PRR5L: variants seen among roughly 807,000 people sequenced by gnomAD.
PRR5L encodes proline-rich protein 5-like.
PRR5L carries 21 observed loss-of-function variants against 36.4 expected under a neutral mutation model. That is an observed-to-expected ratio of 0.58 (90% CI 0.41 to 0.83). The LOEUF (loss-of-function observed/expected upper bound fraction) is 0.83, where lower values mean the gene tolerates loss of function less well. Among genes scored for constraint, PRR5L ranks in the 40% least tolerant of loss-of-function variants. The probability of loss-of-function intolerance (pLI) is 0.00; values close to 1 mark genes in which losing one functional copy is unlikely to be tolerated. For missense variants in PRR5L, 381 were observed against 473.3 expected (o/e 0.80, Z 1.81); for synonymous variants, 188 against 197.0 (o/e 0.95, Z 0.38).
chr11:36,451,112 T>C (rs1858934906), intron 7 of PRR5L, 97 bp from the exon 8 acceptor site: 1 of 1,458,216 alleles, frequency 6.9e-7, no homozygotes, highest in Admixed American at 1.8e-5. Context: ...CACAGCCTTG[T>C]ACATTGGAGG....
rs1938467095 is a variant in PRR5L, at chr11:36,392,651, C to T, written c.-125-8346C>T. On this transcript the variant is annotated intron_variant, in intron 1 of 8. Coordinates refer to ENST00000530639, the MANE Select transcript of PRR5L (RefSeq NM_001160167.2). ...ATAAAGCAGAGTTTTAATTGACTCA[C>T]AGTTCCGCATGGCTAGGGAGGCCTC... Among the ~76,000 whole-genome samples the T allele has an allele frequency of 2.6e-5, 4 of 152,176 alleles. No individual in the cohort carries two copies. The South Asian group carries it at 8.3e-4, about 32-fold the overall frequency.
chr11:36,436,103 C>G (rs1439672351), intron 5 of PRR5L, among the ~76,000 whole-genome samples: 1 of 152,236 alleles, frequency 6.6e-6, no homozygotes, highest in Non-Finnish European at 1.5e-5. Context: ...ATCTTTGGAC[C>G]TCCTGGCTAC....
chr11:36,356,235 T>G (rs933606690), intron 1 of PRR5L, among the ~76,000 whole-genome samples: 2 of 152,130 alleles, frequency 1.3e-5, no homozygotes, highest in African/African-American at 4.8e-5. Flanking sequence ...TTTTTAAGTA[T>G]CAAAGCTTCT....
chr11:36,304,479 T>C (rs1309195872), intron 1 of PRR5L, among the ~76,000 whole-genome samples: 1 of 152,244 alleles, frequency 6.6e-6, no homozygotes, highest in East Asian at 1.9e-4. Context: ...GTTTGTGCTG[T>C]ACATATGATT....
At chr11:36,393,650 G>A (rs548333970) in intron 1 of PRR5L, among the ~76,000 whole-genome samples, 69 of 152,208 alleles carry the variant, frequency 4.5e-4, no homozygotes, top group Non-Finnish European at 9.6e-4. Flanking sequence ...TGGAGACTTT[G>A]GCAATTCTGG....
chr11:36,336,640 G>C (rs1856771801), intron 1 of PRR5L, among the ~76,000 whole-genome samples: 1 of 150,822 alleles, frequency 6.6e-6, no homozygotes, highest in African/African-American at 2.4e-5. Flanking sequence ...TACCTGGTAG[G>C]TGCTTAAGTA....
chr11:36,332,237 A>G (rs1214846141), intron 1 of PRR5L, among the ~76,000 whole-genome samples: 2 of 152,188 alleles, frequency 1.3e-5, no homozygotes, highest in African/African-American at 4.8e-5. Context: ...TGCCAACACC[A>G]TCATTTGTAC....
chr11:36,462,627 A>G lies in PRR5L; in HGVS notation c.998A>G (p.His333Arg). 1.2e-6 allele frequency: 2 copies of G among 1,612,358 alleles called. No homozygotes were observed. Among genetic ancestry groups the G allele is most frequent in the Non-Finnish European group, 1.7e-6 (2 of 1,179,916 alleles). The change falls in exon 9 of 9, where the codon CAC becomes CGC. Residue 333 changes from histidine to arginine, a missense_variant. Coordinates refer to ENST00000530639, the MANE Select transcript of PRR5L (RefSeq NM_001160167.2). ...LLLPPSFPPP[H>R]RQCSSEPNIT... is the part of the protein sequence containing the mutation. Reference sequence around the variant, plus strand: ...CTGCCACCCAGCTTCCCCCCGCCCCACCGGCAGTGCTCCAGTGAGCCCAAC... The same window carrying G: ...CTGCCACCCAGCTTCCCCCCGCCCCGCCGGCAGTGCTCCAGTGAGCCCAAC...
intron 4 of PRR5L, among the ~76,000 whole-genome samples, chr11:36,427,979 G>C (rs1858416500): frequency 1.3e-5 from 2 of 152,206 alleles, no homozygotes; most frequent in Non-Finnish European, 1.5e-5. Context: ...TGGAGAGTGG[G>C]CGAGAGGTCC....
intron 6 of PRR5L, among the ~76,000 whole-genome samples, chr11:36,443,917 C>G (rs1858774787): frequency 6.6e-6 from 1 of 152,148 alleles, no homozygotes; most frequent in Non-Finnish European, 1.5e-5. Flanking sequence ...AGACAGTAGG[C>G]TCTCTTATAC....
chr11:36,460,469 T>C (rs1859156654), intron 8 of PRR5L, among the ~76,000 whole-genome samples: 1 of 152,250 alleles, frequency 6.6e-6, no homozygotes, highest in East Asian at 1.9e-4. Context: ...CTCTTAGTTG[T>C]GGGGTTCTGT....
At chr11:36,396,933 T>C (rs1857672406) in intron 1 of PRR5L, among the ~76,000 whole-genome samples, 1 of 152,152 alleles carries the variant, frequency 6.6e-6, no homozygotes, top group South Asian at 2.1e-4. Flanking sequence ...CAATTCTAGT[T>C]TTCTGGCTGA....
In PRR5L at chr11:36,355,715, ATTTTTTTTAAT is replaced by A. The variant is rs1214787128; in HGVS notation, c.-125-45265_-125-45255del. On this transcript the variant is annotated intron_variant, in intron 1 of 8. Coordinates refer to ENST00000530639, the MANE Select transcript of PRR5L (RefSeq NM_001160167.2). ...TAGGTGCGTGTCACCATGCCCAGCT[ATTTTTTTTAAT>A]TTTTTTTTAATTTTTTAGTAGAAAT... is the stretch of plus-strand genomic sequence containing the variant. Among the ~76,000 whole-genome samples, 5 of 151,062 alleles carry A rather than the reference ATTTTTTTTAAT, an allele frequency of 3.3e-5. No homozygotes were observed. The East Asian group carries it at 5.9e-4, about 18-fold the overall frequency.
At chr11:36,405,138 A>C (rs775416129) in intron 3 of PRR5L, among the ~76,000 whole-genome samples, 11 of 152,156 alleles carry the variant, frequency 7.2e-5, no homozygotes, top group African/African-American at 9.7e-5. Context: ...TCACCAGCCC[A>C]GGTAGCCCAG....
At chr11:36,363,994 T>G (rs1857120212) in intron 1 of PRR5L, among the ~76,000 whole-genome samples, 1 of 152,204 alleles carries the variant, frequency 6.6e-6, no homozygotes, top group Non-Finnish European at 1.5e-5. Flanking sequence ...CACTTTTAAA[T>G]AAGGCACCTG....
intron 7 of PRR5L, among the ~76,000 whole-genome samples, chr11:36,449,355 G>GTT (rs1858897705): frequency 6.6e-6 from 1 of 152,142 alleles, no homozygotes; most frequent in Non-Finnish European, 1.5e-5. Flanking sequence ...AAAACTACCT[G>GTT]ACCCTACTAC....
chr11:36,365,113 C>G (rs970603094), intron 1 of PRR5L, among the ~76,000 whole-genome samples: 5 of 152,216 alleles, frequency 3.3e-5, no homozygotes, highest in Admixed American at 1.3e-4. Flanking sequence ...GATTTCCTAT[C>G]AAACGTCCTT....
At chr11:36,313,472 C>G (rs1184770199) in intron 1 of PRR5L, among the ~76,000 whole-genome samples, 1 of 152,238 alleles carries the variant, frequency 6.6e-6, no homozygotes, top group East Asian at 1.9e-4. Context: ...TTGTCCTGGT[C>G]CCTGCGTTCT....
At chr11:36,319,725 C>G (rs953434396) in intron 1 of PRR5L, among the ~76,000 whole-genome samples, 4 of 150,010 alleles carry the variant, frequency 2.7e-5, no homozygotes, top group Admixed American at 1.3e-4. Context: ...CTTGGGTTTC[C>G]TAACACTTGC....
Sources: allele counts gnomAD v4.1 joint callset (sites outside exome capture counted in the v4.1 genomes callset), GRCh38; gene constraint gnomAD v4.1.1; transcripts MANE v1.5; gene names NCBI Gene and HGNC (gene_info 2026-07-23, HGNC 2026-07-21).